BMP2K: variants seen among roughly 807,000 people sequenced by gnomAD.
BMP2K encodes BMP2 inducible kinase, also known as BMP-2-inducible protein kinase.
Under a neutral mutation model 116.0 loss-of-function variants are expected in BMP2K, and 74 were observed. The ratio of observed to expected loss-of-function variants is 0.64; its 90% CI spans 0.53 to 0.77. BMP2K has a LOEUF of 0.77. BMP2K is among the 30% of genes least tolerant of loss of function. The pLI is 0.00. For synonymous variants in BMP2K, 486 were observed against 502.5 expected, an observed-to-expected ratio of 0.97 and a Z score of 0.44; for missense variants, 1,365 against 1,403.6, an observed-to-expected ratio of 0.97 and a Z score of 0.44.
At chr4:78,883,460 A>G (rs1466538578) in intron 14 of BMP2K, among the ~76,000 whole-genome samples, 1 of 152,194 alleles carries the variant, frequency 6.6e-6, no homozygotes, top group Admixed American at 6.5e-5. Flanking sequence ...GTTTTGTGGA[A>G]CAATAACATT....
intron 4 of BMP2K, among the ~76,000 whole-genome samples, chr4:78,843,678 A>C (rs1381483288): frequency 9.9e-5 from 15 of 151,954 alleles, no homozygotes; most frequent in Non-Finnish European, 4.4e-5. Context: ...GAAATGCTTA[A>C]CTGCAGGCAT....
chr4:78,851,193 TA>T, intron 7 of BMP2K, 137 bp downstream of exon 7: 7 of 906,912 alleles, frequency 7.7e-6, no homozygotes, highest in East Asian at 2.9e-5. Context: ...AAAAAACATT[TA>T]AAAAAGTGTT....
rs1005124954 is a variant in BMP2K at position 78,856,052 on chromosome 4, C to T, written c.884-3532C>T. ...TTAATCCATTTCTTTTCCCCAAAAGCGTATTTTGTTAATAGATGATATGGT... is the reference window on the plus strand; with the variant it reads ...TTAATCCATTTCTTTTCCCCAAAAGTGTATTTTGTTAATAGATGATATGGT... On this transcript the variant is annotated intron_variant, in intron 7 of 15. Coordinates refer to ENST00000502613, the MANE Select transcript of BMP2K (RefSeq NM_198892.2). Among the ~76,000 whole-genome samples the T allele has an allele frequency of 5.7e-4, 86 of 152,136 alleles. 1 individual carries two copies. The highest frequency in any genetic ancestry group is 2.0e-3 in the African/African-American group (82 of 41,510).
rs758008465 is a variant in BMP2K at position 78,911,606 on chromosome 4, G to A, written c.3059G>A (p.Arg1020Lys). ...TATCGCACTCCAGAGAGGGCTCGCA[G>A]GCACAAAAAAGTGGGCCGCCGAGAC... ...PTYRTPERAR[R>K]HKKVGRRDSQ... The change falls in exon 16 of 16, where the codon AGG becomes AAG. Residue 1020 changes from arginine (R) to lysine (K), a missense_variant. By Grantham distance (26) the Arg-to-Lys change is conservative. This residue lies in a region of BMP2K where 596 missense variants were observed against 623.2 expected (regional missense o/e 0.96). Coordinates refer to ENST00000502613, the MANE Select transcript of BMP2K (RefSeq NM_198892.2). The A allele has an allele frequency of 5.6e-6, 9 of 1,613,800 alleles. No homozygotes were observed. Among genetic ancestry groups the A allele is most frequent in the East Asian group, 2.2e-5 (1 of 44,886 alleles).
intron 1 of BMP2K, among the ~76,000 whole-genome samples, chr4:78,779,343 T>C (rs906716766): frequency 1.3e-5 from 2 of 152,210 alleles, no homozygotes; most frequent in African/African-American, 2.4e-5. Flanking sequence ...CAATGAAGAT[T>C]ATCTCACACT....
At chr4:78,779,719 A>G (rs1016912799) in intron 1 of BMP2K, among the ~76,000 whole-genome samples, 3 of 152,256 alleles carry the variant, frequency 2.0e-5, no homozygotes, top group South Asian at 2.1e-4. Flanking sequence ...TATTATGTCT[A>G]TAATTTGAAA....
chr4:78,835,774 A>T (rs1167093158), intron 3 of BMP2K, among the ~76,000 whole-genome samples: 3 of 152,116 alleles, frequency 2.0e-5, no homozygotes, highest in African/African-American at 4.8e-5. Flanking sequence ...ACTGCATTAT[A>T]TAAAAGAGAA....
intron 2 of BMP2K, among the ~76,000 whole-genome samples, chr4:78,831,056 T>C (rs1730182993): frequency 6.6e-6 from 1 of 152,252 alleles, no homozygotes; most frequent in East Asian, 1.9e-4. Context: ...GCTTAACTAT[T>C]TCTAGCTTTT....
intron 1 of BMP2K, among the ~76,000 whole-genome samples, chr4:78,784,029 C>G (rs1250382008): frequency 6.6e-6 from 1 of 152,082 alleles, no homozygotes; most frequent in African/African-American, 2.4e-5. Context: ...AGTAGGGAAA[C>G]TTGGAAAAGG....
At chr4:78,821,082 A>G (rs1015779647) in intron 1 of BMP2K, among the ~76,000 whole-genome samples, 5 of 152,126 alleles carry the variant, frequency 3.3e-5, no homozygotes, top group Non-Finnish European at 2.9e-5. Flanking sequence ...ACTCTTAAGA[A>G]TATTTATAGG....
chr4:78,891,322 A>T (rs1733424777), intron 15 of BMP2K, among the ~76,000 whole-genome samples: 1 of 151,910 alleles, frequency 6.6e-6, no homozygotes, highest in African/African-American at 2.4e-5. Flanking sequence ...CACCATGGAC[A>T]TTTGTAGCAT....
chr4:78,912,052 C>A lies in BMP2K; in HGVS notation c.*19C>A. 1 of 1,561,404 alleles carries A rather than the reference C, an allele frequency of 6.4e-7. No homozygotes were observed. The highest frequency in any genetic ancestry group is 1.2e-5 in the South Asian group (1 of 83,392). Reference sequence around the variant, plus strand: ...ACAGTAGATACTTCTGATGGATTCTCGGCATTAACTCCTGTTTCAAAAAAG... The same window carrying A: ...ACAGTAGATACTTCTGATGGATTCTAGGCATTAACTCCTGTTTCAAAAAAG... On this transcript the variant is annotated 3_prime_UTR_variant, in exon 16 of 16. Transcript: ENST00000502613.
chr4:78,826,425 A>G (rs1278639133), intron 2 of BMP2K, among the ~76,000 whole-genome samples: 4 of 151,330 alleles, frequency 2.6e-5, no homozygotes, highest in African/African-American at 7.3e-5. Context: ...CTGGTCTTGA[A>G]CTCCTGACCT....
At chr4:78,791,865 T>C (rs1280943323) in intron 1 of BMP2K, among the ~76,000 whole-genome samples, 1 of 152,262 alleles carries the variant, frequency 6.6e-6, no homozygotes, top group African/African-American at 2.4e-5. Flanking sequence ...GGATTGTTTC[T>C]ACCTTTTGGC....
chr4:78,860,713 C>A (rs1362742026), intron 8 of BMP2K, among the ~76,000 whole-genome samples: 2 of 148,302 alleles, frequency 1.3e-5, no homozygotes, highest in Non-Finnish European at 3.0e-5. Flanking sequence ...GTAGGGTTTC[C>A]TTTATGTGTA....
Position 78,894,857 on chromosome 4 carries a change from T to A in BMP2K, c.2062+7573T>A, listed in dbSNP as rs1014207867. ...GCATCTCGTCCTTTCACCTGAACAC[T>A]TAGAGGCCATTGTGGGGTTATTAAT... On this transcript the variant is annotated intron_variant, in intron 15 of 15. Coordinates refer to ENST00000502613, the MANE Select transcript of BMP2K (RefSeq NM_198892.2). Among the ~76,000 whole-genome samples the A allele has an allele frequency of 3.9e-5, 6 of 152,314 alleles. No homozygotes were observed. The East Asian group carries it at 7.7e-4, about 20-fold the overall frequency.
chr4:78,781,180 A>G (rs1347698386), intron 1 of BMP2K, among the ~76,000 whole-genome samples: 1 of 152,226 alleles, frequency 6.6e-6, no homozygotes, highest in African/African-American at 2.4e-5. Context: ...TCTGAAATGC[A>G]ACAGGAAGCT....
intron 1 of BMP2K, among the ~76,000 whole-genome samples, chr4:78,811,134 C>G (rs1439123021): frequency 6.6e-6 from 1 of 152,176 alleles, no homozygotes; most frequent in African/African-American, 2.4e-5. Context: ...AAACGTAACT[C>G]TTTTACTGCA....
At chr4:78,778,760 G>T (rs548709110) in intron 1 of BMP2K, among the ~76,000 whole-genome samples, 4 of 152,138 alleles carry the variant, frequency 2.6e-5, no homozygotes, top group African/African-American at 9.7e-5. Context: ...AGTCTAGTTC[G>T]CATTTAAGCG....
Sources: allele counts gnomAD v4.1 joint callset (sites outside exome capture counted in the v4.1 genomes callset), GRCh38; gene constraint gnomAD v4.1.1; regional missense constraint gnomAD v4.1.1; transcripts MANE v1.5; gene names NCBI Gene and HGNC (gene_info 2026-07-23, HGNC 2026-07-21).